The following ANKRD30B variants were observed in gnomAD, a reference collection of about 807,000 sequenced individuals.
ANKRD30B encodes the protein ankyrin repeat domain-containing protein 30B.
ANKRD30B carries 144 observed loss-of-function variants against 202.2 expected under a neutral mutation model. That is an observed-to-expected ratio of 0.71 (90% confidence interval 0.62 to 0.82). ANKRD30B has a LOEUF of 0.82. Ranked by LOEUF, ANKRD30B falls within the 40% of genes least tolerant of loss-of-function variation. The probability of loss-of-function intolerance (pLI) is 0.00; values close to 1 mark genes in which losing one functional copy is unlikely to be tolerated. For synonymous variants in ANKRD30B, 508 were observed against 561.3 expected, an observed-to-expected ratio of 0.91 and a Z score of 1.34; for missense variants, 1,487 against 1,669.1, an observed-to-expected ratio of 0.89 and a Z score of 1.90.
rs1261311391 is a variant in ANKRD30B at position 14,828,679 on chromosome 18, A to G, written c.2774+371A>G. Among the ~76,000 whole-genome samples, 17 of 152,312 alleles carry G rather than the reference A, an allele frequency of 1.1e-4. No homozygotes were observed. The East Asian group carries it at 3.1e-3, about 28-fold the overall frequency. On this transcript the variant is annotated intron_variant, in intron 33 of 43. Coordinates refer to ENST00000690538, the MANE Select transcript of ANKRD30B (RefSeq NM_001367607.2). ...GTACAGGACCAGATGGGATCAATTC[A>G]CAAAGTCACATTTTGTTATATGTTA...
chr18:14,892,606 G>C, the ANKRD30B span, among the ~76,000 whole-genome samples: 2 of 151,966 alleles, frequency 1.3e-5, no homozygotes, highest in Admixed American at 6.6e-5. Flanking sequence ...CGGGTGTGGT[G>C]GTGGGTGCCT....
chr18:14,876,942 CATTCT>C, the ANKRD30B span, among the ~76,000 whole-genome samples: 146,288 of 152,132 alleles, frequency 0.96, 70,631 homozygotes, highest in Middle Eastern at 1. Flanking sequence ...AAATTCAGTG[CATTCT>C]ATTCTCAAGG....
chr18:14,891,652 T>C, the ANKRD30B span, among the ~76,000 whole-genome samples: 1 of 151,372 alleles, frequency 6.6e-6, no homozygotes, highest in African/African-American at 2.4e-5. Flanking sequence ...CAGGCCTGAA[T>C]AGGCTAGAGA....
At chr18:14,796,454 A>G in intron 18 of ANKRD30B, 39 bp downstream of exon 18, 1 of 1,508,706 alleles carries the variant, frequency 6.6e-7, no homozygotes, top group Non-Finnish European at 8.9e-7. Flanking sequence ...GTAATTAAGA[A>G]TATTAAACTA....
At chr18:14,914,467 T>C in the ANKRD30B span, among the ~76,000 whole-genome samples, 2 of 152,182 alleles carry the variant, frequency 1.3e-5, no homozygotes, top group African/African-American at 4.8e-5. Context: ...AACAGGGCCC[T>C]TGCTCCTGGA....
chr18:14,850,098 A>T, intron 40 of ANKRD30B, 116 bp from the exon 41 acceptor site: 1 of 781,646 alleles, frequency 1.3e-6, no homozygotes, highest in Non-Finnish European at 1.8e-6. Context: ...GAAAAAAAAA[A>T]TTCAGGAATA....
intron 22 of ANKRD30B, 118 bp downstream of exon 22, chr18:14,799,413 T>C: frequency 9.6e-7 from 1 of 1,041,268 alleles, no homozygotes; most frequent in Non-Finnish European, 1.4e-6. Context: ...GAAAATTTGA[T>C]AAAATAATGG....
chr18:14,936,966 C>T, the ANKRD30B span, among the ~76,000 whole-genome samples: 43,633 of 152,040 alleles, frequency 0.29, 7,273 homozygotes, highest in South Asian at 0.41. Context: ...TCCTGGGCTC[C>T]AGGCTGGGAG....
rs1006691719 is a variant in ANKRD30B at position 14,832,680 on chromosome 18, T to G, written c.2847+1225T>G. Among the ~76,000 whole-genome samples the G allele has an allele frequency of 2.0e-5, 3 of 152,202 alleles. 1 individual carries two copies. The highest frequency in any genetic ancestry group is 4.4e-5 in the Non-Finnish European group (3 of 68,030). On this transcript the variant is annotated intron_variant, in intron 34 of 43. Coordinates refer to ENST00000690538, the MANE Select transcript of ANKRD30B (RefSeq NM_001367607.2). Reference sequence around the variant, plus strand: ...ATGTAATGGAATGTTACAAGTAAGATAATATGCATAATATACCTTATAATT... The same window carrying G: ...ATGTAATGGAATGTTACAAGTAAGAGAATATGCATAATATACCTTATAATT...
chr18:14,847,051 TA>T (rs1262296605), intron 39 of ANKRD30B, among the ~76,000 whole-genome samples: 826 of 3,372 alleles, frequency 0.24, 15 homozygotes, highest in African/African-American at 0.39. Context: ...GATTTAGTTT[TA>T]TATATATATA....
intron 6 of ANKRD30B, among the ~76,000 whole-genome samples, chr18:14,761,029 G>A (rs563097796): frequency 6.6e-6 from 1 of 152,162 alleles, no homozygotes; most frequent in Admixed American, 6.5e-5. Flanking sequence ...AACAGGGGAT[G>A]ATCAGGTCAT....
the ANKRD30B span, among the ~76,000 whole-genome samples, chr18:14,862,667 G>A: frequency 0.015 from 2,271 of 152,254 alleles, 61 homozygotes; most frequent in African/African-American, 0.052. Flanking sequence ...GAATGGGGCC[G>A]CCACCTCGAG....
Position 14,784,348 on chromosome 18 carries a change from AGCCATCT to A in ANKRD30B, c.1587_1593del (p.Ala531SerfsTer17). On this transcript the variant is annotated frameshift_variant, in exon 13 of 44. Coordinates refer to ENST00000690538, the MANE Select transcript of ANKRD30B (RefSeq NM_001367607.2). LOFTEE classifies it high-confidence loss of function. ...TTTTGCATTTTAGAGCTTCCTGAGA[AGCCATCT>A]GCCTTCAAGGTATTTAGTTTTATGG... The A allele has an allele frequency of 6.2e-7, 1 of 1,612,762 alleles. No homozygotes were observed. Among genetic ancestry groups the A allele is most frequent in the Admixed American group, 1.7e-5 (1 of 59,928 alleles).
At chr18:14,904,000 T>C in the ANKRD30B span, among the ~76,000 whole-genome samples, 1 of 152,216 alleles carries the variant, frequency 6.6e-6, no homozygotes, top group Non-Finnish European at 1.5e-5. Flanking sequence ...AGAAGGGCTG[T>C]CCAATTGTCA....
At chr18:14,915,613 A>C in the ANKRD30B span, 1 of 152,226 alleles carries the variant, frequency 6.6e-6, no homozygotes, top group Admixed American at 6.5e-5. Flanking sequence ...TATCGTCCTC[A>C]TCAACCAAGC....
intron 9 of ANKRD30B, among the ~76,000 whole-genome samples, chr18:14,773,698 C>T (rs1967162839): frequency 6.6e-6 from 1 of 150,524 alleles, no homozygotes; most frequent in Non-Finnish European, 1.5e-5. Context: ...CTCTGTCATG[C>T]AGGCTGGAAT....
rs1409032415 is a variant in ANKRD30B, at chr18:14,809,985, G to T, written c.2387-1G>T. ...AATTATATATGTCCCTTTTCTTTTAGAGTCTCCTGATAAAGATGGTCTTCT... is the reference window on the plus strand; with the variant it reads ...AATTATATATGTCCCTTTTCTTTTATAGTCTCCTGATAAAGATGGTCTTCT... On this transcript the variant is annotated splice_acceptor_variant, in intron 26 of 43. Transcript: ENST00000690538. LOFTEE classifies it high-confidence loss of function. 1 of 1,419,748 alleles carries T rather than the reference G, an allele frequency of 7.0e-7. No individual in the cohort carries two copies. Among genetic ancestry groups the T allele is most frequent in the Non-Finnish European group, 9.9e-7 (1 of 1,014,742 alleles). The allele number at this position is 1,419,748 out of a possible 1,614,324, so 87.9% of individuals were successfully genotyped here. A position where few individuals can be genotyped will look rare whatever the true frequency, so the allele number is the denominator to read the frequency against.
rs369029190 is a variant in ANKRD30B at position 14,787,073 on chromosome 18, C to A, written c.1707C>A (p.Asp569Glu). Reference sequence around the variant, plus strand: ...TCCCATCAGAATCCAAACAAAAGGACGATGAAGAAAATTCTTGGGATTCTG... The same window carrying A: ...TCCCATCAGAATCCAAACAAAAGGAAGATGAAGAAAATTCTTGGGATTCTG... ...QMFPSESKQK[D>E]DEENSWDSES... Residue 569 changes from aspartate to glutamate, a missense_variant, in exon 15 of 44, where the codon GAC becomes GAA. Asp to Glu is a conservative substitution (Grantham distance 45). Around this residue, in one of 6 missense-constraint regions of ANKRD30B, gnomAD observed 889 missense variants for 841.4 expected, o/e 1.06. Coordinates refer to ENST00000690538, the MANE Select transcript of ANKRD30B (RefSeq NM_001367607.2). 6.2e-7 allele frequency: 1 copy of A among 1,608,552 alleles called. No homozygotes were observed. Among genetic ancestry groups the A allele is most frequent in the African/African-American group, 1.3e-5 (1 of 74,702 alleles).
At chr18:14,842,407 G>A (rs1439638263) in intron 37 of ANKRD30B, among the ~76,000 whole-genome samples, 2 of 152,158 alleles carry the variant, frequency 1.3e-5, no homozygotes, top group Admixed American at 1.3e-4. Context: ...GTGATGAGAT[G>A]TCAGTTCTGC....
Sources: allele counts gnomAD v4.1 joint callset (sites outside exome capture counted in the v4.1 genomes callset), GRCh38; gene constraint gnomAD v4.1.1; regional missense constraint gnomAD v4.1.1; transcripts MANE v1.5; gene names NCBI Gene and HGNC (gene_info 2026-07-23, HGNC 2026-07-21).